NUP37: variants seen among roughly 807,000 people sequenced by gnomAD.
The protein encoded by NUP37 is nucleoporin Nup37.
In NUP37, 33 loss-of-function variants were observed where a neutral mutation model predicts 45.4. The ratio of observed to expected loss-of-function variants is 0.73; its 90% CI spans 0.55 to 0.97. The LOEUF (loss-of-function observed/expected upper bound fraction) is 0.97, where lower values mean the gene tolerates loss of function less well. Ranked by LOEUF, NUP37 falls within the 50% of genes least tolerant of loss-of-function variation. NUP37 has a pLI of 0.00. For missense variants in NUP37, 365 were observed against 389.7 expected, an observed-to-expected ratio of 0.94 and a Z score of 0.53; for synonymous variants, 127 against 130.7, an observed-to-expected ratio of 0.97 and a Z score of 0.19.
Position 102,101,021 on chromosome 12 carries a change from T to G in NUP37, c.354+11A>C. The G allele has an allele frequency of 7.0e-7, 1 of 1,437,490 alleles. No individual in the cohort carries two copies. The highest frequency in any genetic ancestry group is 9.6e-7 in the Non-Finnish European group (1 of 1,045,202). 89.0% of individuals were successfully genotyped at this position (1,437,490 alleles called of 1,614,324 possible). On this transcript the variant is annotated intron_variant, in intron 4 of 9. Coordinates refer to ENST00000552283, the MANE Select transcript of NUP37 (RefSeq NM_024057.4). ...AATAAGCTCTAAAGATTTATATGGT[T>G]GTCAACATACCTTATATTCATTTTT...
chr12:102,089,200 C>A (rs1476376083), intron 5 of NUP37, among the ~76,000 whole-genome samples: 4 of 152,128 alleles, frequency 2.6e-5, no homozygotes, highest in African/African-American at 9.7e-5. Flanking sequence ...GTCATCATGG[C>A]CCGTTCTCGA....
At chr12:102,084,647 G>C (rs1319830114) in intron 6 of NUP37, among the ~76,000 whole-genome samples, 1 of 151,162 alleles carries the variant, frequency 6.6e-6, no homozygotes, top group Admixed American at 6.6e-5. Context: ...GTAACTACCA[G>C]ATTAAAGGTT....
rs1038044682 is a variant in NUP37 at position 102,101,051 on chromosome 12, T to C, written c.335A>G (p.Gln112Arg). The C allele has an allele frequency of 1.3e-6, 2 of 1,551,388 alleles. No homozygotes were observed. Among genetic ancestry groups the C allele is most frequent in the Admixed American group, 3.7e-5 (2 of 53,346 alleles). Residue 112 changes from glutamine to arginine, a missense_variant, in exon 4 of 10, where the codon CAG becomes CGG. Coordinates refer to ENST00000552283, the MANE Select transcript of NUP37 (RefSeq NM_024057.4). ...MKIRLFTSDL[Q>R]DKNEYKVLEG... Reference sequence around the variant, plus strand: ...ACATACCTTATATTCATTTTTATCCTGAAGATCTGAAGTAAATAATCTAAT... The same window carrying C: ...ACATACCTTATATTCATTTTTATCCCGAAGATCTGAAGTAAATAATCTAAT...
In NUP37 at chr12:102,077,483, A is replaced by C; in HGVS notation, c.561T>G (p.Asn187Lys). ...AAAGATCATAAAACCGGATTGTTCC[A>C]TTCTTCTCTGCAACCATTAGCTGTA... ...ETFKLMVAEK[N>K]GTIRFYDLLA... is the part of the protein sequence containing the mutation. Residue 187 changes from asparagine to lysine, a missense_variant, in exon 7 of 10, where the codon AAT becomes AAG. Asn to Lys is a moderately conservative substitution (Grantham distance 94). Coordinates refer to ENST00000552283, the MANE Select transcript of NUP37 (RefSeq NM_024057.4). 3 of 1,613,430 alleles carry C rather than the reference A, an allele frequency of 1.9e-6. No homozygotes were observed. The highest frequency in any genetic ancestry group is 2.5e-6 in the Non-Finnish European group (3 of 1,179,974).
Position 102,074,989 on chromosome 12 carries a change from T to C in NUP37, c.867+12A>G, listed in dbSNP as rs1879129280. 1.9e-6 allele frequency: 3 copies of C among 1,544,196 alleles called. No individual in the cohort carries two copies. Among genetic ancestry groups the C allele is most frequent in the Non-Finnish European group, 2.6e-6 (3 of 1,137,556 alleles). The stretch of plus-strand genomic sequence containing the variant: ...AAAAAAGCACGTATGTTACAAAACA[T>C]TTCCACATTACCTGAGGGTGTCCTA... On this transcript the variant is annotated intron_variant, in intron 9 of 9. Coordinates refer to ENST00000552283, the MANE Select transcript of NUP37 (RefSeq NM_024057.4).
intron 8 of NUP37, among the ~76,000 whole-genome samples, chr12:102,076,083 A>G (rs1375811817): frequency 1.3e-5 from 2 of 152,160 alleles, no homozygotes; most frequent in East Asian, 3.8e-4. Context: ...TAGACTTATA[A>G]GTACCATAGC....
rs1338747648 is a variant in NUP37 at position 102,073,208 on chromosome 12, C to T, written c.*1146G>A. On this transcript the variant is annotated 3_prime_UTR_variant, in exon 10 of 10. Coordinates refer to ENST00000552283, the MANE Select transcript of NUP37 (RefSeq NM_024057.4). ...AAGCTTCAAAAAGGGCATTAACTTG[C>T]AGGAATGGGCAGTTTGTCAAAATGT... 1 of 152,152 alleles carries T rather than the reference C, an allele frequency of 6.6e-6. No homozygotes were observed. Among genetic ancestry groups the T allele is most frequent in the African/African-American group, 2.4e-5 (1 of 41,432 alleles). The allele number at this position is 152,152 out of a possible 1,614,324, so 9.4% of individuals were successfully genotyped here.
intron 3 of NUP37, among the ~76,000 whole-genome samples, chr12:102,110,646 C>T (rs577781712): frequency 6.6e-6 from 1 of 152,280 alleles, no homozygotes; most frequent in East Asian, 1.9e-4. Context: ...AGTTTGAGGC[C>T]AGCCTGGGCA....
At chr12:102,090,266 C>G (rs1036399959) in intron 5 of NUP37, among the ~76,000 whole-genome samples, 1 of 151,284 alleles carries the variant, frequency 6.6e-6, no homozygotes, top group African/African-American at 2.4e-5. Flanking sequence ...TTTGCAGTAT[C>G]TATGTATGGA....
At chr12:102,105,578 C>T (rs1880119383) in intron 3 of NUP37, among the ~76,000 whole-genome samples, 1 of 151,326 alleles carries the variant, frequency 6.6e-6, no homozygotes, top group Non-Finnish European at 1.5e-5. Context: ...GAAAAGTGCC[C>T]TCACGCCAGG....
rs768098577 is a variant in NUP37, at chr12:102,118,408, T to C, written c.111A>G (p.Ala37=). ...FENGDSGNLI[A]YGGNNYVVIG... is the part of the protein sequence containing the mutation. ...TGACCACATAATTATTGCCACCATA[T>C]GCAATTAGGTTTCCTGAATCCCCAT... The change falls in exon 2 of 10, where the codon GCA becomes GCG. Residue 37 remains alanine (A), a synonymous_variant. Coordinates refer to ENST00000552283, the MANE Select transcript of NUP37 (RefSeq NM_024057.4). 1.2e-6 allele frequency: 2 copies of C among 1,614,054 alleles called. No individual in the cohort carries two copies. The highest frequency in any genetic ancestry group is 8.5e-7 in the Non-Finnish European group (1 of 1,179,998).
At chr12:102,090,718 T>C (rs1879624615) in intron 5 of NUP37, among the ~76,000 whole-genome samples, 2 of 152,208 alleles carry the variant, frequency 1.3e-5, no homozygotes, top group African/African-American at 4.8e-5. Context: ...TTATTTTCAT[T>C]GAAGACATTG....
chr12:102,089,453 G>T (rs542561968), intron 5 of NUP37, among the ~76,000 whole-genome samples: 2 of 145,628 alleles, frequency 1.4e-5, no homozygotes, highest in Admixed American at 1.4e-4. Flanking sequence ...CTTCCCAGAC[G>T]GGGCGGCCGG....
intron 5 of NUP37, among the ~76,000 whole-genome samples, chr12:102,089,246 G>A (rs1239184223): frequency 6.6e-6 from 1 of 152,228 alleles, no homozygotes; most frequent in Non-Finnish European, 1.5e-5. Context: ...GGGTACACCT[G>A]CAGAAAGGCT....
At chr12:102,110,883 C>T (rs1880295060) in intron 3 of NUP37, among the ~76,000 whole-genome samples, 1 of 152,024 alleles carries the variant, frequency 6.6e-6, no homozygotes, top group Non-Finnish European at 1.5e-5. Flanking sequence ...GGAAGACCAC[C>T]CTTAGATTAT....
At chr12:102,101,158 TCTCCCC>T in intron 3 of NUP37, 54 bp from the exon 4 acceptor site, 1 of 941,686 alleles carries the variant, frequency 1.1e-6, no homozygotes, top group Non-Finnish European at 1.6e-6. Flanking sequence ...AAGTGAAAGG[TCTCCCC>T]CTCCCCCCCA....
intron 5 of NUP37, among the ~76,000 whole-genome samples, chr12:102,095,836 T>C (rs1189922860): frequency 6.6e-6 from 1 of 152,108 alleles, no homozygotes; most frequent in African/African-American, 2.4e-5. Context: ...CCTAAAACTG[T>C]AGATCTGCTC....
intron 6 of NUP37, among the ~76,000 whole-genome samples, chr12:102,080,844 A>C (rs1189583663): frequency 2.0e-5 from 3 of 152,214 alleles, no homozygotes; most frequent in Non-Finnish European, 2.9e-5. Flanking sequence ...AGGAAAATTC[A>C]CCAGGACCTA....
intron 1 of NUP37, among the ~76,000 whole-genome samples, chr12:102,118,820 TTC>T (rs1179802288): frequency 6.6e-6 from 1 of 152,222 alleles, no homozygotes; most frequent in Non-Finnish European, 1.5e-5. Context: ...CACTGCAAAG[TTC>T]TGTTTAGATT....
Sources: gnomAD v4.1 joint callset for allele counts (sites outside exome capture counted in the v4.1 genomes callset) on GRCh38, gnomAD v4.1.1 for gene constraint, MANE v1.5 for transcripts, NCBI Gene and HGNC (gene_info 2026-07-23, HGNC 2026-07-21) for gene names.